Variants in HNF4G observed in about 807,000 individuals in gnomAD.
The protein encoded by HNF4G is hepatocyte nuclear factor 4 gamma, also known as hepatocyte nuclear factor 4-gamma.
HNF4G carries 21 observed loss-of-function variants against 50.9 expected under a neutral mutation model. The ratio of observed to expected loss-of-function variants is 0.41; its 90% CI spans 0.29 to 0.59. The LOEUF is 0.59. Among genes scored for constraint, HNF4G ranks in the 20% least tolerant of loss-of-function variants. HNF4G has a pLI of 0.26. For synonymous variants in HNF4G, 198 were observed against 185.6 expected (o/e 1.07, Z -0.54); for missense variants, 527 against 559.4 (o/e 0.94, Z 0.58).
chr8:75,534,268 C>A (rs1343100804), intron 2 of HNF4G, among the ~76,000 whole-genome samples: 1 of 151,880 alleles, frequency 6.6e-6, no homozygotes, highest in African/African-American at 2.4e-5. Flanking sequence ...ATCCACACTT[C>A]AGTTTCCTTA....
chr8:75,560,573 G>C, intron 9 of HNF4G, 107 bp downstream of exon 9: 1 of 1,010,748 alleles, frequency 9.9e-7, no homozygotes, highest in South Asian at 1.6e-5. Flanking sequence ...AAAACTTGGT[G>C]TAATTTCCCA....
At chr8:75,472,436 C>T (rs7000671) in intron 1 of HNF4G, among the ~76,000 whole-genome samples, 9,821 of 152,174 alleles carry the variant, frequency 0.065, 351 homozygotes, top group Middle Eastern at 0.068. Context: ...TAGCCGAACC[C>T]TCTCAACTTG....
Position 75,543,973 on chromosome 8 carries a change from C to A in HNF4G, c.281C>A (p.Ser94Tyr). ...AGCATTCGTAAGAGTCACGTTTATT[C>A]TTGCAGGTACTTTAAATGCCCTTTT... ...RRSIRKSHVYSCRFSRQCVVD... is the reference protein window; with the variant it reads ...RRSIRKSHVYYCRFSRQCVVD... Residue 94 changes from serine to tyrosine, a missense_variant, in exon 2 of 10, where the codon TCT becomes TAT. Ser to Tyr is a moderately radical substitution (Grantham distance 144). Transcript: ENST00000396423. The A allele has an allele frequency of 3.2e-6, 5 of 1,570,238 alleles. No individual in the cohort carries two copies. The African/African-American group carries it at 4.1e-5, about 13-fold the overall frequency.
Position 75,558,673 on chromosome 8 carries a change from T to G in HNF4G, c.886+3T>G. On this transcript the variant is annotated splice_donor_region_variant and intron_variant, in intron 7 of 9. Transcript: ENST00000396423. ...GGCAATTGTATTTTTTGATCCAGGTTGGTTTTCAAAATTCCACTAGAGAAT... is the reference window on the plus strand; with the variant it reads ...GGCAATTGTATTTTTTGATCCAGGTGGGTTTTCAAAATTCCACTAGAGAAT... 1 of 1,609,128 alleles carries G rather than the reference T, an allele frequency of 6.2e-7. No individual in the cohort carries two copies. The highest frequency in any genetic ancestry group is 8.5e-7 in the Non-Finnish European group (1 of 1,178,456).
chr8:75,455,017 G>C (rs1023818324), intron 1 of HNF4G, among the ~76,000 whole-genome samples: 6 of 152,214 alleles, frequency 3.9e-5, no homozygotes, highest in Admixed American at 6.5e-5. Context: ...TAAAAATTAA[G>C]ATAAAGGTTT....
chr8:75,464,684 G>T (rs368578422), intron 1 of HNF4G, among the ~76,000 whole-genome samples: 2 of 152,224 alleles, frequency 1.3e-5, no homozygotes, highest in African/African-American at 4.8e-5. Context: ...CTATCAGATT[G>T]TATATTAATA....
chr8:75,533,556 A>T (rs1204946135), intron 2 of HNF4G, among the ~76,000 whole-genome samples: 1 of 151,978 alleles, frequency 6.6e-6, no homozygotes, highest in Non-Finnish European at 1.5e-5. Context: ...TGTTTAGTTC[A>T]TATTATATTC....
intron 2 of HNF4G, among the ~76,000 whole-genome samples, chr8:75,508,571 G>T (rs577988664): frequency 6.6e-6 from 1 of 152,034 alleles, no homozygotes; most frequent in Non-Finnish European, 1.5e-5. Context: ...CAGCTAGTAG[G>T]TATACAGCTT....
At position 75,540,006 on chromosome 8, in the gene HNF4G, A is replaced by AT; in HGVS notation, c.46dup (p.Tyr16LeufsTer3). On this transcript the variant is annotated frameshift_variant, in exon 1 of 10. Transcript: ENST00000396423. LOFTEE classifies it high-confidence loss of function. ...CCAATACTGGACATGGACATGGCAA[A>AT]TTACAGTGAAGTTTTGGACCCAACT... 6.2e-7 allele frequency: 1 copy of AT among 1,606,616 alleles called. No homozygotes were observed. The highest frequency in any genetic ancestry group is 8.5e-7 in the Non-Finnish European group (1 of 1,173,268).
At chr8:75,461,985 T>G (rs756865168) in intron 1 of HNF4G, among the ~76,000 whole-genome samples, 2 of 150,830 alleles carry the variant, frequency 1.3e-5, no homozygotes, top group East Asian at 3.9e-4. Flanking sequence ...TGGTGCCATC[T>G]CAGCTCACTG....
chr8:75,501,852 A>G (rs1226491134), intron 2 of HNF4G, among the ~76,000 whole-genome samples: 1 of 115,402 alleles, frequency 8.7e-6, no homozygotes, highest in African/African-American at 4.5e-5. Context: ...AGAATACCTA[A>G]AGTATTTTTT....
At chr8:75,424,746 A>G (rs1810852785) in intron 1 of HNF4G, among the ~76,000 whole-genome samples, 1 of 151,992 alleles carries the variant, frequency 6.6e-6, no homozygotes, top group South Asian at 2.1e-4. Flanking sequence ...GCTGCATAGT[A>G]TTCCATGGTA....
At chr8:75,463,695 T>C (rs1328359437) in intron 1 of HNF4G, among the ~76,000 whole-genome samples, 1 of 152,244 alleles carries the variant, frequency 6.6e-6, no homozygotes, top group South Asian at 2.1e-4. Flanking sequence ...CAGCTTAACT[T>C]TGGTCAGGTG....
chr8:75,551,638 A>T, intron 4 of HNF4G, 144 bp downstream of exon 4: 1 of 530,348 alleles, frequency 1.9e-6, no homozygotes, highest in East Asian at 3.0e-5. Context: ...TTTTACTTTG[A>T]AAGTTTGAGT....
rs145852973 is a variant in HNF4G, at chr8:75,517,110, T to C, written c.-23-26701T>C. Among the ~76,000 whole-genome samples the C allele has an allele frequency of 7.9e-3, 1,199 of 152,166 alleles. 8 individuals carry two copies. The highest frequency in any genetic ancestry group is 0.017 in the Middle Eastern group (5 of 294). ...CTCCCCTTTATAAGACCATCAGATA[T>C]CATGAGACTTATTCACTATCACGAG... On this transcript the variant is annotated intron_variant, in intron 2 of 10. Transcript: ENST00000354370.
rs73343049 is a variant in HNF4G at position 75,454,298 on chromosome 8, C to T, written c.-143-35791C>T. 7.4e-3 allele frequency among the ~76,000 whole-genome samples: 1,130 copies of T among 152,210 alleles called. 14 individuals carry two copies. Among genetic ancestry groups the T allele is most frequent in the African/African-American group, 0.026 (1,073 of 41,514 alleles). ...AATTCTGTTGTTTAAACCATCCAGT[C>T]TATAGTACTTTGTTACAGCAAACTG... On this transcript the variant is annotated intron_variant, in intron 1 of 10. Coordinates refer to the HNF4G transcript ENST00000354370.
chr8:75,409,266 A>C (rs1810436699), intron 1 of HNF4G, among the ~76,000 whole-genome samples: 1 of 152,058 alleles, frequency 6.6e-6, no homozygotes, highest in Non-Finnish European at 1.5e-5. Context: ...CCTAAGCTCC[A>C]GTTATGGGCC....
chr8:75,464,578 T>G (rs1811924611), intron 1 of HNF4G, among the ~76,000 whole-genome samples: 1 of 152,200 alleles, frequency 6.6e-6, no homozygotes, highest in South Asian at 2.1e-4. Context: ...GCTGTCATTC[T>G]CCAAATCCCC....
At chr8:75,501,766 G>T (rs1346129692) in intron 2 of HNF4G, among the ~76,000 whole-genome samples, 2 of 151,896 alleles carry the variant, frequency 1.3e-5, no homozygotes, top group African/African-American at 2.4e-5. Context: ...TTTGAAATAC[G>T]TATCTATCTT....
Sources: gnomAD v4.1 joint callset for allele counts (sites outside exome capture counted in the v4.1 genomes callset) on GRCh38, gnomAD v4.1.1 for gene constraint, MANE v1.5 for transcripts, NCBI Gene and HGNC (gene_info 2026-07-23, HGNC 2026-07-21) for gene names.